KCNQ1: variants seen among roughly 807,000 people sequenced by gnomAD.
KCNQ1 encodes the protein potassium voltage-gated channel subfamily KQT member 1.
A neutral mutation model predicts 72.4 loss-of-function variants in KCNQ1; 49 were observed. The observed-to-expected ratio is 0.68, with a 90% CI of 0.54 to 0.86. KCNQ1 has a LOEUF of 0.86. Ranked by LOEUF, KCNQ1 falls within the 40% of genes least tolerant of loss-of-function variation. KCNQ1 has a pLI of 0.00. For synonymous variants in KCNQ1, 450 were observed against 412.6 expected (o/e 1.09, Z -1.10); for missense variants, 790 against 945.1 (o/e 0.84, Z 2.15).
rs1846504993 is a variant in KCNQ1 at position 2,766,730 on chromosome 11, A to T, written c.1515-2114A>T. ...CATGCTCAAAGTCCGACATCTTGTG[A>T]TCTGCCCCTTCCAGCCTCTGTCCAA... is the stretch of plus-strand genomic sequence containing the variant. On this transcript the variant is annotated intron_variant, in intron 11 of 15. Transcript: ENST00000155840. This position sits in a 1 kb window ranked among gnomAD's most constrained non-coding sequence, Gnocchi z 4.4. Among the ~76,000 whole-genome samples, 1 of 152,198 alleles carries T rather than the reference A, an allele frequency of 6.6e-6. No homozygotes were observed. Among genetic ancestry groups the T allele is most frequent in the African/African-American group, 2.4e-5 (1 of 41,436 alleles).
rs1168932824 is a variant in KCNQ1, at chr11:2,537,301, A to G, written c.477+9283A>G. 6.6e-6 allele frequency among the ~76,000 whole-genome samples: 1 copy of G among 152,110 alleles called. No homozygotes were observed. Among genetic ancestry groups the G allele is most frequent in the African/African-American group, 2.4e-5 (1 of 41,354 alleles). On this transcript the variant is annotated intron_variant, in intron 2 of 15. Coordinates refer to ENST00000155840, the MANE Select transcript of KCNQ1 (RefSeq NM_000218.3). This position sits in a 1 kb window ranked among gnomAD's most constrained non-coding sequence, Gnocchi z 5.2. ...TCCTGCCATGGAGACCATGCAGCCC[A>G]CAGGGCCTAAGATTTCTACTACCTG...
In KCNQ1 at chr11:2,848,979, G is replaced by A. The variant is rs191331870; in HGVS notation, c.*976G>A. The A allele has an allele frequency of 2.7e-4, 123 of 454,172 alleles. No individual in the cohort carries two copies. The highest frequency in any genetic ancestry group is 6.9e-4 in the Middle Eastern group (1 of 1,444). The allele number at this position is 454,172 out of a possible 1,614,324, so 28.1% of individuals were successfully genotyped here. On this transcript the variant is annotated 3_prime_UTR_variant, in exon 16 of 16. Transcript: ENST00000155840. ...ATTGTGCAAGCTTTTCCTAATAAAC[G>A]TGGAGAATCACAGGCTGGGCTGGGC...
chr11:2,607,494 A>G (rs915255935), intron 10 of KCNQ1, among the ~76,000 whole-genome samples: 32 of 152,158 alleles, frequency 2.1e-4, no homozygotes, highest in African/African-American at 7.5e-4. Context: ...GTGCCCTTGT[A>G]AAAGAGACCT....
chr11:2,656,709 T>C (rs1849855673), intron 10 of KCNQ1: 4 of 398,644 alleles, frequency 1.0e-5, no homozygotes, highest in African/African-American at 4.1e-5. Context: ...ATTTTGATGA[T>C]TGGGTCTTAA....
At position 2,463,815 on chromosome 11, in the gene KCNQ1, G is replaced by T. The variant is rs1846312901; in HGVS notation, c.386+18331G>T. ...GTCAGCCCTGAAGCCGGATGGCCCG[G>T]CCCCCGCTACCACGTGGAGGCTCCC... is the stretch of plus-strand genomic sequence containing the variant. On this transcript the variant is annotated intron_variant, in intron 1 of 15. Coordinates refer to ENST00000155840, the MANE Select transcript of KCNQ1 (RefSeq NM_000218.3). This position sits in a 1 kb window ranked among gnomAD's most constrained non-coding sequence, Gnocchi z 7.0. Among the ~76,000 whole-genome samples the T allele has an allele frequency of 6.6e-6, 1 of 152,226 alleles. No homozygotes were observed. The highest frequency in any genetic ancestry group is 6.5e-5 in the Admixed American group (1 of 15,282).
intron 1 of KCNQ1, among the ~76,000 whole-genome samples, chr11:2,503,534 T>A (rs556070462): frequency 5.4e-4 from 53 of 97,614 alleles, no homozygotes; most frequent in Non-Finnish European, 7.1e-4. Context: ...CACTGGGGAC[T>A]GTTGTGGGGT....
chr11:2,662,173 C>T lies in KCNQ1; in HGVS notation c.1514+92C>T, dbSNP rs910620558. On this transcript the variant is annotated intron_variant, in intron 11 of 15. Coordinates refer to ENST00000155840, the MANE Select transcript of KCNQ1 (RefSeq NM_000218.3). ...TGCTGGGGAAGCCTTGCTCTCTGGC[C>T]AGAGTGCTATCTACTCGCCTAGTGC... is the stretch of plus-strand genomic sequence containing the variant. 21 of 1,562,522 alleles carry T rather than the reference C, an allele frequency of 1.3e-5. 2 individuals carry two copies. Among genetic ancestry groups the T allele is most frequent in the South Asian group, 1.1e-4 (10 of 87,012 alleles).
At chr11:2,619,362 C>A (rs1849125615) in intron 10 of KCNQ1, 1 of 398,504 alleles carries the variant, frequency 2.5e-6, no homozygotes, top group Non-Finnish European at 4.4e-6. Context: ...TATACCTGAA[C>A]TGTTAGAATT....
chr11:2,529,769 G>T (rs972215536), intron 2 of KCNQ1, among the ~76,000 whole-genome samples: 1 of 151,688 alleles, frequency 6.6e-6, no homozygotes, highest in Admixed American at 6.6e-5. Context: ...TTGCTGCTTG[G>T]GTCTGTCCAG....
At chr11:2,586,816 CCT>C (rs2133756969) in intron 8 of KCNQ1, among the ~76,000 whole-genome samples, 1 of 152,230 alleles carries the variant, frequency 6.6e-6, no homozygotes, top group Admixed American at 6.5e-5. Flanking sequence ...TCCACTCGGC[CCT>C]CTCTCAGGCT....
intron 10 of KCNQ1, chr11:2,644,074 A>G (rs535800008): frequency 2.5e-6 from 1 of 398,550 alleles, no homozygotes; most frequent in South Asian, 1.3e-4. Context: ...TGTGCTGTGG[A>G]AAAGACCTTT....
Position 2,571,375 on chromosome 11 carries a change from G to A in KCNQ1, c.655G>A (p.Gly219Arg). The A allele has an allele frequency of 6.2e-7, 1 of 1,612,908 alleles. No homozygotes were observed. Residue 219 changes from glycine to arginine, a missense_variant, in exon 4 of 16, where the codon GGG becomes AGG. Transcript: ENST00000155840. Reference sequence around the variant, plus strand: ...GGTGGTCCTCTGCGTGGGCTCCAAGGGGCAGGTGTTTGCCACGTCGGCCAT... The same window carrying A: ...GGTGGTCCTCTGCGTGGGCTCCAAGAGGCAGGTGTTTGCCACGTCGGCCAT... ...SMVVLCVGSK[G>R]QVFATSAIRG...
intron 6 of KCNQ1, among the ~76,000 whole-genome samples, chr11:2,578,020 GC>G (rs1035458810): frequency 6.6e-6 from 1 of 152,232 alleles, no homozygotes; most frequent in Non-Finnish European, 1.5e-5. Flanking sequence ...ATGTCTCTGA[GC>G]CCTGCATGGG....
chr11:2,814,936 C>G (rs1040510625), intron 15 of KCNQ1, among the ~76,000 whole-genome samples: 1 of 152,202 alleles, frequency 6.6e-6, no homozygotes, highest in Non-Finnish European at 1.5e-5. Context: ...GGCCTGGGAT[C>G]TGGAGAGAAA....
Position 2,680,908 on chromosome 11 carries a change from T to C in KCNQ1, c.1514+18827T>C, listed in dbSNP as rs1590028241. 1.8e-5 allele frequency: 7 copies of C among 398,630 alleles called. No individual in the cohort carries two copies. In the East Asian group the frequency reaches 2.5e-4, roughly 14 times the overall value. The allele number at this position is 398,630 out of a possible 1,614,324, so 24.7% of individuals were successfully genotyped here. A position where few individuals can be genotyped will look rare whatever the true frequency, so the allele number is the denominator to read the frequency against. On this transcript the variant is annotated intron_variant, in intron 11 of 15. Transcript: ENST00000155840. ...TTGTGTGTATCCTTGCATTTTGGTATGACCCAATTTGGGTTTGTATTTTTA... is the reference window on the plus strand; with the variant it reads ...TTGTGTGTATCCTTGCATTTTGGTACGACCCAATTTGGGTTTGTATTTTTA...
chr11:2,663,715 C>A lies in KCNQ1; in HGVS notation c.1514+1634C>A, dbSNP rs1850011284. The A allele has an allele frequency of 5.0e-6, 2 of 398,620 alleles. No individual in the cohort carries two copies. The highest frequency in any genetic ancestry group is 2.1e-5 in the African/African-American group (1 of 48,656). 24.7% of individuals were successfully genotyped at this position (398,620 alleles called of 1,614,324 possible). A position where few individuals can be genotyped will look rare whatever the true frequency, so the allele number is the denominator to read the frequency against. On this transcript the variant is annotated intron_variant, in intron 11 of 15. Transcript: ENST00000155840. The surrounding 1 kb of genome is among the most constrained non-coding windows in gnomAD (Gnocchi z 5.2). ...AGGCCTTACCAACTCTTGGGTCTTG[C>A]AAGGCCCCTGCAGGTGAAGGTGGTG...
chr11:2,530,662 G>A lies in KCNQ1; in HGVS notation c.477+2644G>A, dbSNP rs79136910. The stretch of plus-strand genomic sequence containing the variant: ...AAGTGTGCATACACATGAGCACGTG[G>A]GGACTTTCACGCATGTTTGGCTCTG... On this transcript the variant is annotated intron_variant, in intron 2 of 15. Transcript: ENST00000155840. Among the ~76,000 whole-genome samples, 603 of 152,318 alleles carry A rather than the reference G, an allele frequency of 4.0e-3. 1 individual carries two copies. Among genetic ancestry groups the A allele is most frequent in the South Asian group, 0.011 (53 of 4,826 alleles).
At chr11:2,758,431 G>C (rs1468121833) in intron 11 of KCNQ1, among the ~76,000 whole-genome samples, 1 of 152,152 alleles carries the variant, frequency 6.6e-6, no homozygotes, top group Non-Finnish European at 1.5e-5. Context: ...GTGGAGAAAC[G>C]GGATTGCCCA....
chr11:2,844,675 G>A (rs2134091429), intron 15 of KCNQ1, among the ~76,000 whole-genome samples: 1 of 152,328 alleles, frequency 6.6e-6, no homozygotes, highest in Middle Eastern at 3.4e-3. Context: ...TGCACTGCCT[G>A]CCTGCGGCCC....
Sources: allele counts gnomAD v4.1 joint callset (sites outside exome capture counted in the v4.1 genomes callset), GRCh38; gene constraint gnomAD v4.1.1; non-coding constraint Gnocchi (gnomAD v3.1); transcripts MANE v1.5; gene names NCBI Gene and HGNC (gene_info 2026-07-23, HGNC 2026-07-21).